Variants in TNRC18 observed in about 807,000 individuals in gnomAD.
TNRC18 encodes the protein trinucleotide repeat-containing gene 18 protein.
A neutral mutation model predicts 226.7 loss-of-function variants in TNRC18; 69 were observed. The ratio of observed to expected loss-of-function variants is 0.30; its 90% CI spans 0.25 to 0.37. The LOEUF is 0.37. Among genes scored for constraint, TNRC18 ranks in the 10% least tolerant of loss-of-function variants. The pLI is 1.00. For missense variants in TNRC18, 4,754 were observed against 4,256.6 expected (o/e 1.12, Z -3.25); for synonymous variants, 2,449 against 1,927.6 (o/e 1.27, Z -7.09).
chr7:5,332,224 G>T (rs1285244052), intron 19 of TNRC18, among the ~76,000 whole-genome samples: 1 of 152,162 alleles, frequency 6.6e-6, no homozygotes, highest in Non-Finnish European at 1.5e-5. Context: ...ATCACTAAAG[G>T]TCAGGAGTTC....
chr7:5,388,468 G>A lies in TNRC18; in HGVS notation c.1356C>T (p.Ala452=), dbSNP rs1779993062. The A allele has an allele frequency of 2.8e-6, 4 of 1,426,222 alleles. No individual in the cohort carries two copies. In the Admixed American group the frequency reaches 1.0e-4, roughly 36 times the overall value. The allele number at this position is 1,426,222 out of a possible 1,614,324, so 88.3% of individuals were successfully genotyped here. The change falls in exon 5 of 30, where the codon GCC becomes GCT. Residue 452 remains alanine, a synonymous_variant. Coordinates refer to ENST00000430969, the MANE Select transcript of TNRC18 (RefSeq NM_001080495.3). Reference sequence around the variant, plus strand: ...GCACGTAGGCGCGGGGGTCCGGGGAGGCGCGTGTGGCCCGCACCGTGGGGG... The same window carrying A: ...GCACGTAGGCGCGGGGGTCCGGGGAAGCGCGTGTGGCCCGCACCGTGGGGG... ...ADAPTVRATR[A]SPDPRAYVPA...
chr7:5,319,630 T>A (rs1212116015), intron 24 of TNRC18, among the ~76,000 whole-genome samples: 1 of 152,148 alleles, frequency 6.6e-6, no homozygotes, highest in Admixed American at 6.6e-5. Context: ...TGCCTCAGCC[T>A]CCCAAGTAGC....
In TNRC18 at chr7:5,408,223, C is replaced by T. The variant is rs568300050; in HGVS notation, c.187+12837G>A. 9.4e-5 allele frequency among the ~76,000 whole-genome samples: 14 copies of T among 149,460 alleles called. No individual in the cohort carries two copies. The East Asian group carries it at 2.4e-3, about 25-fold the overall frequency. On this transcript the variant is annotated intron_variant, in intron 2 of 29. Transcript: ENST00000430969. ...CTGAGGCAGGGGAATCTCTTGAACC[C>T]GGGAAGCGGAGGTTGCAGCGAGCTG...
chr7:5,319,252 G>A (rs1364077667), intron 24 of TNRC18, among the ~76,000 whole-genome samples: 2 of 152,192 alleles, frequency 1.3e-5, no homozygotes, highest in Non-Finnish European at 2.9e-5. Context: ...CTCATCTGTT[G>A]TTTTGCTGAG....
chr7:5,403,499 C>CAT, intron 2 of TNRC18, among the ~76,000 whole-genome samples: 1 of 152,230 alleles, frequency 6.6e-6, no homozygotes, highest in Middle Eastern at 3.4e-3. Flanking sequence ...CTCACAACAA[C>CAT]TGCATCCCAG....
At position 5,307,383 on chromosome 7, in the gene TNRC18, C is replaced by T. The variant is rs1460459378; in HGVS notation, c.*723G>A. 2 of 284,150 alleles carry T rather than the reference C, an allele frequency of 7.0e-6. No individual in the cohort carries two copies. Among genetic ancestry groups the T allele is most frequent in the South Asian group, 2.7e-5 (1 of 37,296 alleles). The allele number at this position is 284,150 out of a possible 1,614,324, so 17.6% of individuals were successfully genotyped here. ...AACTGTACAGGTTAAGAAGTGCCAC[C>T]TCCCTCCTGGGTGGGGAGGGGCCAG... On this transcript the variant is annotated 3_prime_UTR_variant, in exon 30 of 30. Coordinates refer to ENST00000430969, the MANE Select transcript of TNRC18 (RefSeq NM_001080495.3).
rs111777381 is a variant in TNRC18, at chr7:5,356,848, G to A, written c.5194+68C>T. On this transcript the variant is annotated intron_variant, in intron 16 of 29. Transcript: ENST00000430969. ...TGAGGGGCGGGGGGGGAAGGAGGAC[G>A]GTGGAGAGAAGAGGGGAGAAAAGGA... The A allele has an allele frequency of 0.058, 84,438 of 1,456,474 alleles. 2,980 individuals are homozygous for A. Among genetic ancestry groups the A allele is most frequent in the Non-Finnish European group, 0.068 (75,107 of 1,098,280 alleles). The allele number at this position is 1,456,474 out of a possible 1,614,324, so 90.2% of individuals were successfully genotyped here.
intron 2 of TNRC18, among the ~76,000 whole-genome samples, chr7:5,397,677 G>C (rs7785286): frequency 1 from 151,514 of 152,242 alleles, 75,396 homozygotes; most frequent in East Asian, 1. Context: ...CGCCTGGCCC[G>C]TCAGGCACGA....
intron 9 of TNRC18, 135 bp from the exon 10 acceptor site, chr7:5,374,619 C>T: frequency 1.2e-6 from 1 of 864,100 alleles, no homozygotes. Context: ...AGGCTGCCCA[C>T]CCCGTCCCAG....
chr7:5,364,995 A>C (rs1208827807), intron 11 of TNRC18, among the ~76,000 whole-genome samples: 1 of 150,872 alleles, frequency 6.6e-6, no homozygotes, highest in Non-Finnish European at 1.5e-5. Context: ...AAATGGCCAA[A>C]CGTGCAAAGG....
rs1216083972 is a variant in TNRC18, at chr7:5,359,483, T to C, written c.4748A>G (p.His1583Arg). Residue 1583 changes from histidine (H) to arginine (R), a missense_variant, in exon 15 of 30, where the codon CAT becomes CGT. Coordinates refer to ENST00000430969, the MANE Select transcript of TNRC18 (RefSeq NM_001080495.3). ...TTTCCCCATTCCGATGAGGGCATCATGTTCCTCCTCAGACCCCTTGTGTCT... is the reference window on the plus strand; with the variant it reads ...TTTCCCCATTCCGATGAGGGCATCACGTTCCTCCTCAGACCCCTTGTGTCT... ...RKRHKGSEEE[H>R]DALIGMGKAR... 6.2e-7 allele frequency: 1 copy of C among 1,613,928 alleles called. No individual in the cohort carries two copies. Among genetic ancestry groups the C allele is most frequent in the Non-Finnish European group, 8.5e-7 (1 of 1,179,900 alleles).
intron 29 of TNRC18, 125 bp downstream of exon 29, chr7:5,308,747 CAGG>C (rs1786869696): frequency 1.0e-6 from 1 of 990,412 alleles, no homozygotes; most frequent in South Asian, 1.6e-5. Context: ...GTGGCAGGGA[CAGG>C]AGGTCAGAGG....
In TNRC18 at chr7:5,372,150, C is replaced by T. The variant is rs559946667; in HGVS notation, c.3230-786G>A. On this transcript the variant is annotated intron_variant, in intron 10 of 29. Coordinates refer to ENST00000430969, the MANE Select transcript of TNRC18 (RefSeq NM_001080495.3). ...TGGCGCGATCGCGGCTCACTACAAG[C>T]TCCACCTCCTGGGTTCACGCCCTTC... Among the ~76,000 whole-genome samples, 302 of 152,022 alleles carry T rather than the reference C, an allele frequency of 2.0e-3. 1 individual carries two copies. Among genetic ancestry groups the T allele is most frequent in the Non-Finnish European group, 3.4e-3 (229 of 67,960 alleles).
rs58739630 is a variant in TNRC18 at position 5,307,370 on chromosome 7, TAAG to T, written c.*733_*735del. On this transcript the variant is annotated 3_prime_UTR_variant, in exon 30 of 30. Coordinates refer to ENST00000430969, the MANE Select transcript of TNRC18 (RefSeq NM_001080495.3). The stretch of plus-strand genomic sequence containing the variant: ...CTTGGTACAATAAAACTGTACAGGT[TAAG>T]AAGTGCCACCTCCCTCCTGGGTGGG... 1.0e-3 allele frequency: 285 copies of T among 276,614 alleles called. 1 individual carries two copies. Among genetic ancestry groups the T allele is most frequent in the African/African-American group, 6.1e-3 (266 of 43,582 alleles). 17.1% of individuals were successfully genotyped at this position (276,614 alleles called of 1,614,324 possible).
In TNRC18 at chr7:5,334,717, C is replaced by T. The variant is rs377571331; in HGVS notation, c.5720-1668G>A. ...GGTATGACAGAATGAGGTACCACCCCGTAACAGTCCCCCCAGAGATCCACT... is the reference window on the plus strand; with the variant it reads ...GGTATGACAGAATGAGGTACCACCCTGTAACAGTCCCCCCAGAGATCCACT... On this transcript the variant is annotated intron_variant, in intron 18 of 29. Coordinates refer to ENST00000430969, the MANE Select transcript of TNRC18 (RefSeq NM_001080495.3). Among the ~76,000 whole-genome samples, 107 of 152,212 alleles carry T rather than the reference C, an allele frequency of 7.0e-4. 1 individual carries two copies. In the South Asian group the frequency reaches 0.022, roughly 31 times the overall value.
chr7:5,324,168 G>A lies in TNRC18; in HGVS notation c.6442+46C>T, dbSNP rs1367861305. ...GCTCAGATCTGCCTCCCCCAAGGGA[G>A]GCTCCAGCAGCCCCGCCCGGCACAT... On this transcript the variant is annotated intron_variant, in intron 21 of 29. Coordinates refer to ENST00000430969, the MANE Select transcript of TNRC18 (RefSeq NM_001080495.3). This position sits in a 1 kb window ranked among gnomAD's most constrained non-coding sequence, Gnocchi z 4.8. 6.5e-7 allele frequency: 1 copy of A among 1,545,604 alleles called. No homozygotes were observed. Among genetic ancestry groups the A allele is most frequent in the South Asian group, 1.2e-5 (1 of 85,430 alleles).
chr7:5,363,832 A>G (rs1793335298), intron 11 of TNRC18, among the ~76,000 whole-genome samples: 1 of 143,008 alleles, frequency 7.0e-6, no homozygotes, highest in Non-Finnish European at 1.5e-5. Flanking sequence ...GCCCAGGATG[A>G]AAAACACAAA....
chr7:5,347,369 T>TG (rs1791306262), intron 17 of TNRC18, among the ~76,000 whole-genome samples: 2 of 147,208 alleles, frequency 1.4e-5, no homozygotes. Context: ...TTTTTTTTTT[T>TG]GTATTTTTAG....
chr7:5,369,202 G>C (rs1793923347), intron 11 of TNRC18, among the ~76,000 whole-genome samples: 1 of 152,120 alleles, frequency 6.6e-6, no homozygotes, highest in African/African-American at 2.4e-5. Context: ...ACAACAATTA[G>C]CCAGGCATGG....
Sources: allele counts gnomAD v4.1 joint callset (sites outside exome capture counted in the v4.1 genomes callset), GRCh38; gene constraint gnomAD v4.1.1; non-coding constraint Gnocchi (gnomAD v3.1); transcripts MANE v1.5; gene names NCBI Gene and HGNC (gene_info 2026-07-23, HGNC 2026-07-21).